The following RAB31 variants were observed in gnomAD, a reference collection of about 807,000 sequenced individuals.
RAB31 encodes RAB31, member RAS oncogene family, also known as ras-related protein Rab-31.
Under a neutral mutation model 25.6 loss-of-function variants are expected in RAB31, and 21 were observed. The ratio of observed to expected loss-of-function variants is 0.82; its 90% CI spans 0.58 to 1.18. The LOEUF (loss-of-function observed/expected upper bound fraction) is 1.18. Ranked by LOEUF, RAB31 falls within the 50% of genes most tolerant of loss-of-function variation. The pLI, the probability that RAB31 is intolerant of heterozygous loss-of-function variation, is 0.00. For missense variants in RAB31, 196 were observed against 250.1 expected (o/e 0.78, Z 1.46); for synonymous variants, 87 against 84.0 (o/e 1.04, Z -0.20).
chr18:9,812,304 A>T (rs1039201534), intron 3 of RAB31, among the ~76,000 whole-genome samples: 3 of 152,206 alleles, frequency 2.0e-5, no homozygotes, highest in Admixed American at 6.5e-5. Flanking sequence ...CAGCGCAGGG[A>T]TGTGTCTTCC....
rs577477210 is a variant in RAB31 at position 9,715,905 on chromosome 18, A to C, written c.39+7461A>C. On this transcript the variant is annotated intron_variant, in intron 1 of 6. Coordinates refer to ENST00000578921, the MANE Select transcript of RAB31 (RefSeq NM_006868.4). ...AAAAGTAAGTTGCAGACATGGTGGC[A>C]CTTTACCCACAAATACTTCAGTATG... 5.2e-4 allele frequency among the ~76,000 whole-genome samples: 79 copies of C among 152,212 alleles called. 1 individual carries two copies. Among genetic ancestry groups the C allele is most frequent in the Admixed American group, 5.0e-3 (77 of 15,286 alleles).
chr18:9,815,240 C>G lies in RAB31; in HGVS notation c.380+18C>G. On this transcript the variant is annotated intron_variant, in intron 5 of 6. Transcript: ENST00000578921. ...GATATTAGGTAAGATGCATTGAAAT[C>G]TCTTTTGTGTAGATACTGTCCTCCA... The G allele has an allele frequency of 1.3e-6, 2 of 1,492,046 alleles. No individual in the cohort carries two copies. The highest frequency in any genetic ancestry group is 2.5e-5 in the East Asian group (1 of 40,678). The allele number at this position is 1,492,046 out of a possible 1,614,324, so 92.4% of individuals were successfully genotyped here. A position where few individuals can be genotyped will look rare whatever the true frequency, so the allele number is the denominator to read the frequency against.
intron 1 of RAB31, among the ~76,000 whole-genome samples, chr18:9,723,354 A>C (rs1029799236): frequency 3.9e-5 from 6 of 152,186 alleles, no homozygotes; most frequent in Non-Finnish European, 5.9e-5. Context: ...GGCCTGTAAA[A>C]GCATTTTTAT....
chr18:9,830,046 C>T (rs1045508479), intron 5 of RAB31, among the ~76,000 whole-genome samples: 6 of 149,902 alleles, frequency 4.0e-5, no homozygotes, highest in Admixed American at 1.3e-4. Context: ...TAGGGTCTTA[C>T]GTAGTTGCCC....
intron 1 of RAB31, among the ~76,000 whole-genome samples, chr18:9,730,311 G>C (rs1024792628): frequency 2.9e-5 from 4 of 136,432 alleles, no homozygotes; most frequent in African/African-American, 1.1e-4. Context: ...TTTTGACACA[G>C]AGTCTTGCTC....
intron 1 of RAB31, chr18:9,723,507 G>C (rs2068082384): frequency 6.6e-6 from 1 of 152,054 alleles, no homozygotes; most frequent in South Asian, 2.1e-4. Flanking sequence ...ATTTTTCATA[G>C]ATTAATCTTA....
chr18:9,748,830 G>A (rs2068219269), intron 1 of RAB31, among the ~76,000 whole-genome samples: 1 of 150,736 alleles, frequency 6.6e-6, no homozygotes. Flanking sequence ...GGTGGAGGTT[G>A]CAGTGAGCCG....
intron 2 of RAB31, among the ~76,000 whole-genome samples, chr18:9,779,477 T>C (rs1019161464): frequency 1.3e-5 from 2 of 152,200 alleles, no homozygotes; most frequent in African/African-American, 2.4e-5. Flanking sequence ...ACATTCCCAG[T>C]CCACTTAGGT....
intron 1 of RAB31, among the ~76,000 whole-genome samples, chr18:9,759,228 C>T (rs1326585257): frequency 6.6e-6 from 1 of 152,066 alleles, no homozygotes; most frequent in South Asian, 2.1e-4. Flanking sequence ...CTTGCTCTGT[C>T]ACTAAGGCTT....
At chr18:9,838,691 G>T (rs1461666021) in intron 5 of RAB31, among the ~76,000 whole-genome samples, 1 of 152,222 alleles carries the variant, frequency 6.6e-6, no homozygotes, top group East Asian at 1.9e-4. Flanking sequence ...CAAGAATGTT[G>T]TTTCCTGATC....
chr18:9,849,334 T>C (rs2068777160), intron 6 of RAB31, among the ~76,000 whole-genome samples: 1 of 152,190 alleles, frequency 6.6e-6, no homozygotes, highest in Non-Finnish European at 1.5e-5. Flanking sequence ...CTGAGACTAA[T>C]AAATGGAATG....
intron 5 of RAB31, among the ~76,000 whole-genome samples, chr18:9,828,522 C>T (rs1371849228): frequency 2.0e-5 from 3 of 152,140 alleles, no homozygotes; most frequent in Admixed American, 1.3e-4. Flanking sequence ...ATAGTGTACA[C>T]GGTCAAGTTA....
intron 5 of RAB31, among the ~76,000 whole-genome samples, chr18:9,834,908 T>A (rs759488192): frequency 2.6e-5 from 4 of 152,236 alleles, no homozygotes; most frequent in African/African-American, 4.8e-5. Context: ...ATCTCAGTGA[T>A]TACTTTCAAA....
In RAB31 at chr18:9,859,075, G is replaced by A. The variant is rs367788464; in HGVS notation, c.491-153G>A. Among the ~76,000 whole-genome samples, 23 of 152,246 alleles carry A rather than the reference G, an allele frequency of 1.5e-4. 2 individuals are homozygous for A. Among genetic ancestry groups the A allele is most frequent in the African/African-American group, 5.3e-4 (22 of 41,540 alleles). Reference sequence around the variant, plus strand: ...GAAAGGATAGGAAGAAGGAAGGGAGGAAGGAAAGGAAGGAAGGAGAAAGGA... The same window carrying A: ...GAAAGGATAGGAAGAAGGAAGGGAGAAAGGAAAGGAAGGAAGGAGAAAGGA... On this transcript the variant is annotated intron_variant, in intron 6 of 6. Coordinates refer to ENST00000578921, the MANE Select transcript of RAB31 (RefSeq NM_006868.4).
intron 1 of RAB31, among the ~76,000 whole-genome samples, chr18:9,745,064 A>G (rs4798840): frequency 0.92 from 139,887 of 152,146 alleles, 64,465 homozygotes; most frequent in Admixed American, 0.94. Context: ...CTTAAGCTAC[A>G]TTACTAAGAA....
chr18:9,858,133 CA>C (rs771102258), intron 6 of RAB31, among the ~76,000 whole-genome samples: 6 of 152,162 alleles, frequency 3.9e-5, no homozygotes, highest in Non-Finnish European at 8.8e-5. Context: ...GGGAAGAGCA[CA>C]GGCCTTGCGA....
chr18:9,709,895 T>G (rs564962977), intron 1 of RAB31, among the ~76,000 whole-genome samples: 1 of 152,300 alleles, frequency 6.6e-6, no homozygotes, highest in African/African-American at 2.4e-5. Context: ...CATTTCAGCC[T>G]CAGGAAAGGC....
In RAB31 at chr18:9,827,385, G is replaced by C. The variant is rs534919375; in HGVS notation, c.380+12163G>C. Among the ~76,000 whole-genome samples, 4 of 152,280 alleles carry C rather than the reference G, an allele frequency of 2.6e-5. No homozygotes were observed. The South Asian group carries it at 8.3e-4, about 32-fold the overall frequency. On this transcript the variant is annotated intron_variant, in intron 5 of 6. Transcript: ENST00000578921. Reference sequence around the variant, plus strand: ...TTACCCAACAACAGTGACGATGGGGGCTGGGTTGGGAAGTGGGAGAACTTT... The same window carrying C: ...TTACCCAACAACAGTGACGATGGGGCCTGGGTTGGGAAGTGGGAGAACTTT...
At chr18:9,718,329 G>A (rs2068054569) in intron 1 of RAB31, among the ~76,000 whole-genome samples, 2 of 151,788 alleles carry the variant, frequency 1.3e-5, no homozygotes, top group South Asian at 4.2e-4. Flanking sequence ...GTGTGATCTC[G>A]ACTCACTGCA....
Sources: allele counts gnomAD v4.1 joint callset (sites outside exome capture counted in the v4.1 genomes callset), GRCh38; gene constraint gnomAD v4.1.1; transcripts MANE v1.5; gene names NCBI Gene and HGNC (gene_info 2026-07-23, HGNC 2026-07-21).